ADCY2: variants seen among roughly 807,000 people sequenced by gnomAD.
ADCY2 encodes adenylate cyclase type 2.
Under a neutral mutation model 125.2 loss-of-function variants are expected in ADCY2, and 31 were observed. The ratio of observed to expected loss-of-function variants is 0.25; its 90% CI spans 0.19 to 0.33. The LOEUF is 0.33. Among genes scored for constraint, ADCY2 ranks in the 10% least tolerant of loss-of-function variants. The pLI is 1.00. For synonymous variants in ADCY2, 512 were observed against 548.4 expected (o/e 0.93, Z 0.93); for missense variants, 904 against 1,418.2 (o/e 0.64, Z 5.82).
chr5:7,551,649 A>G (rs150391378), intron 3 of ADCY2, among the ~76,000 whole-genome samples: 364 of 152,292 alleles, frequency 2.4e-3, no homozygotes, highest in African/African-American at 8.5e-3. Context: ...TGAATTATCA[A>G]CCTCCAAAGG....
intron 19 of ADCY2, among the ~76,000 whole-genome samples, chr5:7,789,359 T>C (rs77808562): frequency 0.02 from 3,023 of 152,322 alleles, 57 homozygotes; most frequent in African/African-American, 0.048. Context: ...CCTCTTTTAG[T>C]AGCATAACTT....
chr5:7,411,936 G>A (rs1378318268), intron 1 of ADCY2, among the ~76,000 whole-genome samples: 11 of 151,658 alleles, frequency 7.3e-5, no homozygotes, highest in African/African-American at 2.4e-4. Context: ...TTGGCCGGGC[G>A]TAGTGGCGGG....
intron 22 of ADCY2, among the ~76,000 whole-genome samples, chr5:7,813,611 T>C (rs1199660699): frequency 1.3e-5 from 2 of 152,220 alleles, no homozygotes; most frequent in African/African-American, 2.4e-5. Context: ...AGACCAAACT[T>C]ATGAAGACTT....
intron 22 of ADCY2, 141 bp from the exon 23 acceptor site, chr5:7,816,725 C>A: frequency 1.5e-6 from 1 of 653,828 alleles, no homozygotes; most frequent in South Asian, 1.8e-5. Flanking sequence ...GGATTTGATT[C>A]TTATAGAATG....
intron 3 of ADCY2, among the ~76,000 whole-genome samples, chr5:7,601,250 T>G (rs997256034): frequency 2.8e-4 from 43 of 152,266 alleles, no homozygotes; most frequent in African/African-American, 1.0e-3. Flanking sequence ...TTGACAGTAG[T>G]TTTTGAGGCC....
chr5:7,521,769 CTTGAGTCTATAG>C (rs1179623633), intron 3 of ADCY2, among the ~76,000 whole-genome samples: 1 of 152,202 alleles, frequency 6.6e-6, no homozygotes, highest in East Asian at 1.9e-4. Context: ...AAGGCTCACT[CTTGAGTCTATAG>C]TAGTCTCTCT....
rs189258832 is a variant in ADCY2 at position 7,597,248 on chromosome 5, G to A, written c.571-28919G>A. Among the ~76,000 whole-genome samples the A allele has an allele frequency of 1.1e-3, 170 of 152,350 alleles. 1 individual carries two copies. The highest frequency in any genetic ancestry group is 2.8e-3 in the Admixed American group (43 of 15,308). ...AGGGCCAGGGTGAGGCCAGGGCTGC[G>A]GTTTGGGCTGGATTCAAAGCAAACG... On this transcript the variant is annotated intron_variant, in intron 3 of 24. Transcript: ENST00000338316.
intron 2 of ADCY2, among the ~76,000 whole-genome samples, chr5:7,426,705 C>T (rs1422900390): frequency 6.6e-6 from 1 of 152,116 alleles, no homozygotes; most frequent in Non-Finnish European, 1.5e-5. Context: ...CATAAGCATG[C>T]AGATGTTGGT....
intron 18 of ADCY2, chr5:7,782,229 A>AATAGGT (rs1743943404): frequency 1.2e-5 from 2 of 167,056 alleles, no homozygotes; most frequent in Admixed American, 1.3e-4. Flanking sequence ...CCCTCCACCC[A>AATAGGT]CCACTATTCC....
chr5:7,685,470 C>G (rs1049563642), intron 4 of ADCY2, among the ~76,000 whole-genome samples: 9 of 152,202 alleles, frequency 5.9e-5, no homozygotes, highest in African/African-American at 1.9e-4. Flanking sequence ...AGAGCCATTT[C>G]TACTGCGATG....
intron 2 of ADCY2, among the ~76,000 whole-genome samples, chr5:7,455,969 A>G (rs1325206526): frequency 6.7e-6 from 1 of 150,318 alleles, no homozygotes; most frequent in Non-Finnish European, 1.5e-5. Flanking sequence ...ATAAAAATTT[A>G]AATTTTAAAT....
chr5:7,443,574 A>G (rs537496500), intron 2 of ADCY2, among the ~76,000 whole-genome samples: 1 of 137,704 alleles, frequency 7.3e-6, no homozygotes, highest in Non-Finnish European at 1.5e-5. Context: ...CAGGAGGCAG[A>G]GCTTGCAGTG....
chr5:7,476,381 G>A (rs1742526382), intron 2 of ADCY2, among the ~76,000 whole-genome samples: 2 of 152,182 alleles, frequency 1.3e-5, no homozygotes, highest in Admixed American at 1.3e-4. Context: ...AGCAGCCAGT[G>A]AGACAGGAGG....
intron 2 of ADCY2, among the ~76,000 whole-genome samples, chr5:7,465,378 G>T (rs1040047293): frequency 1.3e-5 from 2 of 152,190 alleles, no homozygotes; most frequent in African/African-American, 4.8e-5. Context: ...CATTAAAGCA[G>T]AGTCAGTATC....
At chr5:7,522,719 G>T (rs183028408) in intron 3 of ADCY2, 2 of 139,230 alleles carry the variant, frequency 1.4e-5, no homozygotes, top group African/African-American at 5.8e-5. Context: ...TGGCTAACAC[G>T]GTGAAACCCC....
At chr5:7,441,499 C>T (rs929458145) in intron 2 of ADCY2, among the ~76,000 whole-genome samples, 6 of 151,476 alleles carry the variant, frequency 4.0e-5, no homozygotes, top group South Asian at 2.1e-4. Context: ...AGGATGATAG[C>T]GTGCTGGTAA....
At chr5:7,480,723 C>G (rs1321370431) in intron 2 of ADCY2, among the ~76,000 whole-genome samples, 1 of 148,070 alleles carries the variant, frequency 6.8e-6, no homozygotes, top group Non-Finnish European at 1.5e-5. Context: ...ACCTATATAA[C>G]AAACCTGCAC....
At chr5:7,631,769 C>T (rs1401710338) in intron 4 of ADCY2, among the ~76,000 whole-genome samples, 1 of 152,138 alleles carries the variant, frequency 6.6e-6, no homozygotes, top group Non-Finnish European at 1.5e-5. Flanking sequence ...CCCAAAGATC[C>T]CTCCAGGGTC....
intron 22 of ADCY2, among the ~76,000 whole-genome samples, chr5:7,811,618 A>G (rs998776878): frequency 1.3e-5 from 2 of 152,134 alleles, no homozygotes; most frequent in African/African-American, 2.4e-5. Context: ...GTTACTTATT[A>G]TATCTAAACA....
Sources: allele counts gnomAD v4.1 joint callset (sites outside exome capture counted in the v4.1 genomes callset), GRCh38; gene constraint gnomAD v4.1.1; transcripts MANE v1.5; gene names NCBI Gene and HGNC (gene_info 2026-07-23, HGNC 2026-07-21).